The following N4BP2 variants were observed in gnomAD, a reference collection of about 807,000 sequenced individuals.
N4BP2 encodes NEDD4-binding protein 2.
N4BP2 carries 91 observed loss-of-function variants against 152.8 expected under a neutral mutation model. That is an observed-to-expected ratio of 0.60 (90% CI 0.50 to 0.71). The LOEUF is 0.71. Among genes scored for constraint, N4BP2 ranks in the 30% least tolerant of loss-of-function variants. The pLI, the probability that N4BP2 is intolerant of heterozygous loss-of-function variation, is 0.00. For missense variants in N4BP2, 1,923 were observed against 2,059.1 expected (o/e 0.93, Z 1.28); for synonymous variants, 646 against 705.3 (o/e 0.92, Z 1.33).
rs1196518366 is a variant in N4BP2, at chr4:40,154,806, A to T, written c.*569A>T. On this transcript the variant is annotated 3_prime_UTR_variant, in exon 18 of 18. Coordinates refer to ENST00000261435, the MANE Select transcript of N4BP2 (RefSeq NM_018177.6). ...GCTTTTGCCCTTTCTTCTGCTTTGTATATGACCTTGATCTTTTACCTTTTG... is the reference window on the plus strand; with the variant it reads ...GCTTTTGCCCTTTCTTCTGCTTTGTTTATGACCTTGATCTTTTACCTTTTG... 6.6e-6 allele frequency: 1 copy of T among 152,662 alleles called. No homozygotes were observed. Among genetic ancestry groups the T allele is most frequent in the South Asian group, 2.1e-4 (1 of 4,832 alleles). The allele number at this position is 152,662 out of a possible 1,614,324, so 9.5% of individuals were successfully genotyped here.
the N4BP2 span, among the ~76,000 whole-genome samples, chr4:40,168,126 T>C: frequency 6.6e-6 from 1 of 152,052 alleles, no homozygotes; most frequent in Non-Finnish European, 1.5e-5. Flanking sequence ...GAATAAATTG[T>C]AACTTGATCA....
At chr4:40,150,901 AT>A (rs1721095082) in intron 16 of N4BP2, among the ~76,000 whole-genome samples, 1 of 152,184 alleles carries the variant, frequency 6.6e-6, no homozygotes, top group Non-Finnish European at 1.5e-5. Flanking sequence ...ACTTTTATTA[AT>A]TTTATAAGAT....
chr4:40,151,533 A>G (rs1721151895), intron 16 of N4BP2, among the ~76,000 whole-genome samples: 1 of 152,156 alleles, frequency 6.6e-6, no homozygotes, highest in Admixed American at 6.5e-5. Flanking sequence ...TAGCCTCCCA[A>G]AGTGCTGAGA....
rs112337291 is a variant in N4BP2, at chr4:40,111,344, G to A, written c.1499-740G>A. On this transcript the variant is annotated intron_variant, in intron 5 of 17. Coordinates refer to ENST00000261435, the MANE Select transcript of N4BP2 (RefSeq NM_018177.6). ...TTAATATGTGGGGTTTTTTTGAGAC[G>A]GAGTCTTACTCTGTCACCCAGGCTG... 4.4e-3 allele frequency among the ~76,000 whole-genome samples: 666 copies of A among 151,914 alleles called. 8 individuals carry two copies. The highest frequency in any genetic ancestry group is 0.015 in the African/African-American group (623 of 41,428).
chr4:40,079,474 AT>A (rs929672967), intron 2 of N4BP2, among the ~76,000 whole-genome samples: 13 of 125,868 alleles, frequency 1.0e-4, no homozygotes, highest in Admixed American at 4.0e-4. Context: ...TAATGGCAGT[AT>A]TTTTTTTTTC....
At chr4:40,083,055 G>A (rs972421525) in intron 2 of N4BP2, 22 of 258,794 alleles carry the variant, frequency 8.5e-5, no homozygotes, top group East Asian at 5.4e-4. Flanking sequence ...AACCTACCCC[G>A]TATACTTCAG....
At chr4:40,098,809 A>C (rs986922912) in intron 3 of N4BP2, among the ~76,000 whole-genome samples, 1 of 152,226 alleles carries the variant, frequency 6.6e-6, no homozygotes, top group African/African-American at 2.4e-5. Context: ...ATACCATAAC[A>C]AAAAAACTTT....
chr4:40,066,871 C>T (rs1327554086), intron 1 of N4BP2, among the ~76,000 whole-genome samples: 1 of 152,054 alleles, frequency 6.6e-6, no homozygotes, highest in Non-Finnish European at 1.5e-5. Context: ...TTTCTCCTTC[C>T]TAGCCATTGG....
chr4:40,174,895 TAAA>T, the N4BP2 span, among the ~76,000 whole-genome samples: 5 of 133,546 alleles, frequency 3.7e-5, no homozygotes, highest in Non-Finnish European at 4.9e-5. Context: ...TTATTCAGCC[TAAA>T]AAAAAAAAAA....
intron 4 of N4BP2, among the ~76,000 whole-genome samples, chr4:40,103,780 C>T (rs11727866): frequency 0.18 from 26,858 of 151,956 alleles, 3,082 homozygotes; most frequent in Admixed American, 0.26. Flanking sequence ...CACCTTTATC[C>T]CTTCTGTAGT....
At chr4:40,076,872 A>G (rs1712796154) in intron 2 of N4BP2, among the ~76,000 whole-genome samples, 1 of 152,160 alleles carries the variant, frequency 6.6e-6, no homozygotes, top group South Asian at 2.1e-4. Flanking sequence ...AGTATTTTGA[A>G]ATCATCTTGT....
chr4:40,112,474 G>GTT (rs1308781373), intron 6 of N4BP2, among the ~76,000 whole-genome samples: 1 of 151,996 alleles, frequency 6.6e-6, no homozygotes, highest in Non-Finnish European at 1.5e-5. Context: ...TTGTACCTAT[G>GTT]TTATATATAT....
the N4BP2 span, among the ~76,000 whole-genome samples, chr4:40,184,669 A>G: frequency 6.6e-6 from 1 of 152,064 alleles, no homozygotes; most frequent in East Asian, 1.9e-4. Flanking sequence ...TTAAATTGAG[A>G]TTTGGGCTGG....
intron 15 of N4BP2, among the ~76,000 whole-genome samples, chr4:40,143,195 A>G (rs1456368331): frequency 2.0e-5 from 3 of 152,224 alleles, no homozygotes; most frequent in Non-Finnish European, 4.4e-5. Context: ...GCCTTCTGTC[A>G]TGTTTGAATT....
chr4:40,076,573 C>T (rs978238784), intron 2 of N4BP2, among the ~76,000 whole-genome samples: 3 of 152,140 alleles, frequency 2.0e-5, no homozygotes, highest in African/African-American at 7.2e-5. Flanking sequence ...ACTGCAAGCT[C>T]CGCCTCCTGG....
chr4:40,079,861 A>G (rs1713177124), intron 2 of N4BP2, among the ~76,000 whole-genome samples: 1 of 152,160 alleles, frequency 6.6e-6, no homozygotes, highest in Admixed American at 6.6e-5. Context: ...GAATATTATG[A>G]TGATAATCAG....
At chr4:40,115,726 T>C (rs1337997965) in intron 7 of N4BP2, among the ~76,000 whole-genome samples, 2 of 152,202 alleles carry the variant, frequency 1.3e-5, no homozygotes, top group Non-Finnish European at 2.9e-5. Flanking sequence ...GTTGTGTAGT[T>C]TGTATGATTC....
At chr4:40,150,028 C>T (rs1560648486) in intron 16 of N4BP2, among the ~76,000 whole-genome samples, 2 of 152,176 alleles carry the variant, frequency 1.3e-5, no homozygotes, top group Admixed American at 1.3e-4. Context: ...CATGCTGCCA[C>T]CTGTGGTAGT....
chr4:40,058,668 G>A (rs1000224156), intron 1 of N4BP2, among the ~76,000 whole-genome samples: 2 of 152,098 alleles, frequency 1.3e-5, no homozygotes, highest in African/African-American at 4.8e-5. Context: ...GTGGGCTTAA[G>A]TTATGGTAGA....
Sources: allele counts gnomAD v4.1 joint callset (sites outside exome capture counted in the v4.1 genomes callset), GRCh38; gene constraint gnomAD v4.1.1; transcripts MANE v1.5; gene names NCBI Gene and HGNC (gene_info 2026-07-23, HGNC 2026-07-21).